NTRK2: variants seen among roughly 807,000 people sequenced by gnomAD.
The protein encoded by NTRK2 is BDNF/NT-3 growth factors receptor.
In NTRK2, 13 loss-of-function variants were observed where a neutral mutation model predicts 94.5. That is an observed-to-expected ratio of 0.14 (90% CI 0.09 to 0.22). NTRK2 has a LOEUF of 0.22. NTRK2 is among the 10% of genes least tolerant of loss of function. The pLI, the probability that NTRK2 is intolerant of heterozygous loss-of-function variation, is 1.00. For synonymous variants in NTRK2, 372 were observed against 407.4 expected (o/e 0.91, Z 1.05); for missense variants, 639 against 1,071.2 (o/e 0.60, Z 5.63).
intron 16 of NTRK2, among the ~76,000 whole-genome samples, chr9:84,951,145 C>T (rs933183032): frequency 7.2e-5 from 11 of 152,160 alleles, no homozygotes; most frequent in African/African-American, 2.4e-4. Flanking sequence ...CAATTTAATT[C>T]TTCTTTGCTG....
chr9:84,840,211 C>G (rs2074095973), intron 12 of NTRK2, among the ~76,000 whole-genome samples: 1 of 151,338 alleles, frequency 6.6e-6, no homozygotes, highest in African/African-American at 2.4e-5. Context: ...TGTCCTGTTT[C>G]CAGCTCATCC....
intron 12 of NTRK2, chr9:84,810,523 T>C (rs770259084): frequency 9.3e-6 from 15 of 1,608,858 alleles, no homozygotes; most frequent in Non-Finnish European, 1.2e-5. Flanking sequence ...ACTTATGTTT[T>C]ATTTTGTGTT....
At chr9:84,884,345 G>C (rs369993569) in intron 14 of NTRK2, among the ~76,000 whole-genome samples, 1 of 152,172 alleles carries the variant, frequency 6.6e-6, no homozygotes, top group Admixed American at 6.5e-5. Flanking sequence ...ATGTAAGGAA[G>C]AGTTAGAAAA....
At chr9:84,880,753 A>G (rs2076230910) in intron 14 of NTRK2, among the ~76,000 whole-genome samples, 1 of 152,250 alleles carries the variant, frequency 6.6e-6, no homozygotes, top group South Asian at 2.1e-4. Context: ...TAAAAACATC[A>G]TACAGCACTT....
At chr9:84,982,975 A>G (rs2133244476) in intron 17 of NTRK2, among the ~76,000 whole-genome samples, 1 of 152,050 alleles carries the variant, frequency 6.6e-6, no homozygotes, top group African/African-American at 2.4e-5. Flanking sequence ...TGCCTAATTT[A>G]TACCCCATGT....
chr9:84,863,950 T>C lies in NTRK2; in HGVS notation c.1444+2863T>C, dbSNP rs2075450465. 2.0e-5 allele frequency among the ~76,000 whole-genome samples: 3 copies of C among 152,064 alleles called. No individual in the cohort carries two copies. In the South Asian group the frequency reaches 6.2e-4, roughly 32 times the overall value. ...GCTCATTCCCTTGCAATCTGTTACA[T>C]TGGAGTTGGGGGGTTTAATTGGAGA... On this transcript the variant is annotated intron_variant, in intron 13 of 18. Transcript: ENST00000277120.
chr9:84,750,350 C>G (rs2064477647), intron 11 of NTRK2, among the ~76,000 whole-genome samples: 1 of 152,154 alleles, frequency 6.6e-6, no homozygotes, highest in Non-Finnish European at 1.5e-5. Flanking sequence ...CAAGTCTGAA[C>G]TAGTCACATG....
At chr9:84,811,886 T>C (rs2071835916) in intron 12 of NTRK2, 2 of 1,064,640 alleles carry the variant, frequency 1.9e-6, no homozygotes, top group Non-Finnish European at 2.3e-6. Flanking sequence ...ATGCTTGTCC[T>C]GAAGAGAGGT....
chr9:84,897,584 T>A (rs1054827376), intron 14 of NTRK2, among the ~76,000 whole-genome samples: 18 of 152,206 alleles, frequency 1.2e-4, no homozygotes, highest in African/African-American at 4.3e-4. Flanking sequence ...CAGGATTCCC[T>A]TGAGTGCTGG....
In NTRK2 at chr9:85,025,138, G is replaced by T. The variant is rs925702897; in HGVS notation, c.*3701G>T. ...GGACTACATCACACTTTTCAACTCT[G>T]TGCAGTACTGCATGGGTGGAAGACA... On this transcript the variant is annotated 3_prime_UTR_variant, in exon 19 of 19. Transcript: ENST00000277120. 9 of 233,024 alleles carry T rather than the reference G, an allele frequency of 3.9e-5. No homozygotes were observed. The highest frequency in any genetic ancestry group is 6.8e-5 in the Non-Finnish European group (8 of 117,980). 14.4% of individuals were successfully genotyped at this position (233,024 alleles called of 1,614,324 possible). A position where few individuals can be genotyped will look rare whatever the true frequency, so the allele number is the denominator to read the frequency against.
intron 14 of NTRK2, chr9:84,872,061 G>C: frequency 1.4e-6 from 2 of 1,380,000 alleles, no homozygotes; most frequent in Non-Finnish European, 1.9e-6. Context: ...CCATCTCCTC[G>C]ATCAATCAGG....
chr9:84,991,258 A>G (rs532904286), intron 17 of NTRK2, among the ~76,000 whole-genome samples: 38 of 152,312 alleles, frequency 2.5e-4, no homozygotes, highest in African/African-American at 8.9e-4. Context: ...TTCAATCTCT[A>G]ATACATTTTA....
At chr9:84,953,747 A>G (rs946951101) in intron 16 of NTRK2, among the ~76,000 whole-genome samples, 6 of 152,228 alleles carry the variant, frequency 3.9e-5, no homozygotes, top group African/African-American at 1.4e-4. Context: ...ATTACCCAGT[A>G]TAATATTCCT....
intron 17 of NTRK2, among the ~76,000 whole-genome samples, chr9:85,010,675 A>G (rs1189654043): frequency 1.3e-5 from 2 of 152,210 alleles, no homozygotes; most frequent in African/African-American, 4.8e-5. Context: ...CAGGAGGGGA[A>G]GAACATGTTG....
At chr9:84,907,262 G>T (rs1480631814) in intron 14 of NTRK2, among the ~76,000 whole-genome samples, 1 of 152,170 alleles carries the variant, frequency 6.6e-6, no homozygotes, top group Non-Finnish European at 1.5e-5. Context: ...GAAAGGCAAA[G>T]AAATACGGTG....
chr9:84,805,097 T>A (rs1435918900), intron 12 of NTRK2, among the ~76,000 whole-genome samples: 1 of 152,250 alleles, frequency 6.6e-6, no homozygotes, highest in Non-Finnish European at 1.5e-5. Context: ...CCTCGGACAC[T>A]TGTCATCAGA....
chr9:84,807,007 C>T (rs1564320406), intron 12 of NTRK2, among the ~76,000 whole-genome samples: 1 of 152,234 alleles, frequency 6.6e-6, no homozygotes, highest in Admixed American at 6.5e-5. Flanking sequence ...CGCAGATGCT[C>T]AAGTTGGCAG....
chr9:84,723,981 C>T (rs1034362349), intron 7 of NTRK2, among the ~76,000 whole-genome samples: 3 of 152,176 alleles, frequency 2.0e-5, no homozygotes, highest in African/African-American at 7.2e-5. Flanking sequence ...GAGTGACTTT[C>T]CCTGTGGTCT....
chr9:84,982,816 T>A (rs1827809435), intron 17 of NTRK2, among the ~76,000 whole-genome samples: 1 of 152,224 alleles, frequency 6.6e-6, no homozygotes, highest in Admixed American at 6.5e-5. Flanking sequence ...ATTTCAAAGA[T>A]ATGATATATC....
Sources: allele counts gnomAD v4.1 joint callset (sites outside exome capture counted in the v4.1 genomes callset), GRCh38; gene constraint gnomAD v4.1.1; transcripts MANE v1.5; gene names NCBI Gene and HGNC (gene_info 2026-07-23, HGNC 2026-07-21).